DMBX1: variants seen among roughly 807,000 people sequenced by gnomAD.
DMBX1 encodes the protein diencephalon/mesencephalon homeobox protein 1.
In DMBX1, 7 loss-of-function variants were observed where a neutral mutation model predicts 30.4. The observed-to-expected ratio is 0.23, with a 90% CI of 0.13 to 0.43. The LOEUF is 0.43. Among genes scored for constraint, DMBX1 ranks in the 20% least tolerant of loss-of-function variants. The probability of loss-of-function intolerance (pLI) is 1.00; values close to 1 mark genes in which losing one functional copy is unlikely to be tolerated. For synonymous variants in DMBX1, 222 were observed against 214.2 expected (o/e 1.04, Z -0.32); for missense variants, 460 against 508.5 (o/e 0.90, Z 0.92).
intron 2 of DMBX1, among the ~76,000 whole-genome samples, chr1:46,501,192 C>CCCTCCCTCCCTTCCTT (rs780907602): frequency 4.4e-5 from 3 of 67,836 alleles, no homozygotes; most frequent in Non-Finnish European, 8.4e-5. Flanking sequence ...TTCTTTCTCT[C>CCCTCCCTCCCTTCCTT]CCTTCCTTCC....
intron 2 of DMBX1, among the ~76,000 whole-genome samples, chr1:46,496,239 G>A (rs1666022848): frequency 6.6e-6 from 1 of 152,210 alleles, no homozygotes; most frequent in Non-Finnish European, 1.5e-5. Flanking sequence ...AGCTGGGGAT[G>A]TCATCATGTC....
rs902156354 is a variant in DMBX1, at chr1:46,515,106, C to A, written c.*2612C>A. On this transcript the variant is annotated 3_prime_UTR_variant, in exon 6 of 6. Coordinates refer to ENST00000360032, the MANE Select transcript of DMBX1 (RefSeq NM_172225.2). Reference sequence around the variant, plus strand: ...GTCTGGAATTTGGAAGGGGAATCCACCAGCCATGGGGGCATCAGAGGAGAG... The same window carrying A: ...GTCTGGAATTTGGAAGGGGAATCCAACAGCCATGGGGGCATCAGAGGAGAG... 6.6e-6 allele frequency among the ~76,000 whole-genome samples: 1 copy of A among 152,066 alleles called. No homozygotes were observed. Among genetic ancestry groups the A allele is most frequent in the African/African-American group, 2.4e-5 (1 of 41,388 alleles).
At chr1:46,499,496 T>C (rs1000414180) in intron 2 of DMBX1, among the ~76,000 whole-genome samples, 4 of 152,232 alleles carry the variant, frequency 2.6e-5, no homozygotes, top group African/African-American at 7.2e-5. Context: ...TTCACCACTT[T>C]CTACCTCCAT....
intron 2 of DMBX1, among the ~76,000 whole-genome samples, chr1:46,492,349 C>T (rs1366690472): frequency 6.6e-6 from 1 of 152,194 alleles, no homozygotes; most frequent in Non-Finnish European, 1.5e-5. Context: ...ACATAACTTG[C>T]ACTTGACACC....
Position 46,493,188 on chromosome 1 carries a change from C to T in DMBX1, c.-13+2405C>T, listed in dbSNP as rs1445993186. Among the ~76,000 whole-genome samples, 4 of 152,188 alleles carry T rather than the reference C, an allele frequency of 2.6e-5. No individual in the cohort carries two copies. The highest frequency in any genetic ancestry group is 5.9e-5 in the Non-Finnish European group (4 of 68,034). On this transcript the variant is annotated intron_variant, in intron 2 of 5. Transcript: ENST00000360032. The surrounding 1 kb of genome is among the most constrained non-coding windows in gnomAD (Gnocchi z 4.1). ...ATAAATATCTAATCAAGGCCCCGGG[C>T]GACGCCACTGCTGCCCGCCAAAGCC...
rs938917222 is a variant in DMBX1, at chr1:46,514,635, C to G, written c.*2141C>G. Reference sequence around the variant, plus strand: ...TGGGAGGTGATGGCTTGGACAGATTCTTGGTCATGCTCCCCAACTCTTGGT... The same window carrying G: ...TGGGAGGTGATGGCTTGGACAGATTGTTGGTCATGCTCCCCAACTCTTGGT... On this transcript the variant is annotated 3_prime_UTR_variant, in exon 6 of 6. Transcript: ENST00000360032. Among the ~76,000 whole-genome samples the G allele has an allele frequency of 6.6e-6, 1 of 152,098 alleles. No individual in the cohort carries two copies. Among genetic ancestry groups the G allele is most frequent in the African/African-American group, 2.4e-5 (1 of 41,406 alleles).
chr1:46,506,057 T>TTTTTTA (rs61343755), intron 2 of DMBX1, among the ~76,000 whole-genome samples: 111,366 of 150,448 alleles, frequency 0.74, 41,434 homozygotes, highest in Non-Finnish European at 0.79. Flanking sequence ...CTCATTTCTT[T>TTTTTTA]TTTTTATTTT....
chr1:46,507,950 C>T (rs1029734395), intron 3 of DMBX1, among the ~76,000 whole-genome samples: 1 of 151,888 alleles, frequency 6.6e-6, no homozygotes, highest in African/African-American at 2.4e-5. Context: ...TACCCAAAGC[C>T]CAAGGTAAGT....
rs1666487216 is a variant in DMBX1 at position 46,516,123 on chromosome 1, T to G, written c.*3629T>G. On this transcript the variant is annotated 3_prime_UTR_variant, in exon 6 of 6. Coordinates refer to ENST00000360032, the MANE Select transcript of DMBX1 (RefSeq NM_172225.2). The stretch of plus-strand genomic sequence containing the variant: ...CCCCCTGTGTAGTGCTGCATGACAC[T>G]CTGTGTATCTGTCCTTCTGTCAGTC... Among the ~76,000 whole-genome samples the G allele has an allele frequency of 6.6e-6, 1 of 152,196 alleles. No individual in the cohort carries two copies. The highest frequency in any genetic ancestry group is 1.5e-5 in the Non-Finnish European group (1 of 68,020).
rs531830904 is a variant in DMBX1 at position 46,489,992 on chromosome 1, C to T, written c.-153+115C>T. On this transcript the variant is annotated intron_variant, in intron 1 of 5. Coordinates refer to ENST00000360032, the MANE Select transcript of DMBX1 (RefSeq NM_172225.2). ...GCCTCCCCTCTTGCGGTCCTGCAGT[C>T]CCGGACCCACTGGGCGGATCAGAAA... 2.6e-5 allele frequency among the ~76,000 whole-genome samples: 4 copies of T among 152,214 alleles called. No individual in the cohort carries two copies. In the East Asian group the frequency reaches 7.7e-4, roughly 29 times the overall value.
rs1341175611 is a variant in DMBX1, at chr1:46,490,667, C to G, written c.-129C>G. 6.6e-6 allele frequency among the ~76,000 whole-genome samples: 1 copy of G among 152,280 alleles called. No individual in the cohort carries two copies. Among genetic ancestry groups the G allele is most frequent in the Admixed American group, 6.5e-5 (1 of 15,288 alleles). On this transcript the variant is annotated 5_prime_UTR_variant, in exon 2 of 6. Transcript: ENST00000360032. ...AGATCCCGTTCAAACTCAGCTGCCACCAAGTGCGCCTTTTCTCTCTGGATT... is the reference window on the plus strand; with the variant it reads ...AGATCCCGTTCAAACTCAGCTGCCAGCAAGTGCGCCTTTTCTCTCTGGATT...
In DMBX1 at chr1:46,514,474, C is replaced by T. The variant is rs1220090417; in HGVS notation, c.*1980C>T. On this transcript the variant is annotated 3_prime_UTR_variant, in exon 6 of 6. Transcript: ENST00000360032. ...TTGTACACACAAGCCTCACTGTAGACACTGCCTCAGTTTCCCCATAGGCAT... is the reference window on the plus strand; with the variant it reads ...TTGTACACACAAGCCTCACTGTAGATACTGCCTCAGTTTCCCCATAGGCAT... Among the ~76,000 whole-genome samples the T allele has an allele frequency of 6.6e-6, 1 of 152,230 alleles. No homozygotes were observed. The highest frequency in any genetic ancestry group is 1.5e-5 in the Non-Finnish European group (1 of 68,030).
rs967919048 is a variant in DMBX1 at position 46,497,724 on chromosome 1, G to A, written c.-13+6941G>A. Among the ~76,000 whole-genome samples the A allele has an allele frequency of 3.3e-5, 5 of 152,256 alleles. No homozygotes were observed. The East Asian group carries it at 5.8e-4, about 18-fold the overall frequency. ...TCTTCGATTGGCTAGGCATTAGGCC[G>A]CAGCCAGCAGCGATGCGGGGACATA... On this transcript the variant is annotated intron_variant, in intron 2 of 5. Transcript: ENST00000360032.
At chr1:46,490,615 C>G (rs1342593319) in intron 1 of DMBX1, among the ~76,000 whole-genome samples, 29 bp from the exon 2 acceptor site, 1 of 152,220 alleles carries the variant, frequency 6.6e-6, no homozygotes, top group Non-Finnish European at 1.5e-5. Context: ...GGGCATTGCC[C>G]GGGTCTGGCT....
intron 2 of DMBX1, 44 bp from the exon 3 acceptor site, chr1:46,506,955 C>A: frequency 6.2e-7 from 1 of 1,600,182 alleles, no homozygotes; most frequent in South Asian, 1.1e-5. Flanking sequence ...AGGGCAGAGT[C>A]TGATAGGCCT....
intron 2 of DMBX1, among the ~76,000 whole-genome samples, chr1:46,505,884 G>A (rs1001254906): frequency 2.0e-5 from 3 of 151,886 alleles, no homozygotes; most frequent in Admixed American, 6.6e-5. Context: ...CTTTCTCTGA[G>A]CCTCAGTAGA....
chr1:46,503,292 G>T (rs1666172112), intron 2 of DMBX1, among the ~76,000 whole-genome samples: 1 of 152,158 alleles, frequency 6.6e-6, no homozygotes, highest in Admixed American at 6.5e-5. Flanking sequence ...TTTCCCTCTT[G>T]TCATTCTCCT....
intron 2 of DMBX1, among the ~76,000 whole-genome samples, chr1:46,503,332 A>G (rs1213033706): frequency 6.6e-6 from 1 of 152,168 alleles, no homozygotes; most frequent in Non-Finnish European, 1.5e-5. Context: ...CAGAGCCCAT[A>G]TTCCAGTCCG....
Position 46,495,544 on chromosome 1 carries a change from G to C in DMBX1, c.-13+4761G>C, listed in dbSNP as rs77102239. Reference sequence around the variant, plus strand: ...ATGCTGCCAGTCAGGTCTCTATGAGGATAGCTGGTAATAATAGTTATTTAT... The same window carrying C: ...ATGCTGCCAGTCAGGTCTCTATGAGCATAGCTGGTAATAATAGTTATTTAT... On this transcript the variant is annotated intron_variant, in intron 2 of 5. Coordinates refer to ENST00000360032, the MANE Select transcript of DMBX1 (RefSeq NM_172225.2). Among the ~76,000 whole-genome samples the C allele has an allele frequency of 8.7e-3, 1,332 of 152,336 alleles. 17 individuals carry two copies. Among genetic ancestry groups the C allele is most frequent in the East Asian group, 0.065 (336 of 5,188 alleles).
Sources: allele counts gnomAD v4.1 joint callset (sites outside exome capture counted in the v4.1 genomes callset), GRCh38; gene constraint gnomAD v4.1.1; non-coding constraint Gnocchi (gnomAD v3.1); transcripts MANE v1.5; gene names NCBI Gene and HGNC (gene_info 2026-07-23, HGNC 2026-07-21).